Variants in OPCML observed in about 807,000 individuals in gnomAD.
OPCML encodes the protein opioid-binding protein/cell adhesion molecule.
A neutral mutation model predicts 37.8 loss-of-function variants in OPCML; 13 were observed. The observed-to-expected ratio is 0.34, with a 90% CI of 0.22 to 0.55. The LOEUF (loss-of-function observed/expected upper bound fraction) is 0.55, where lower values mean the gene tolerates loss of function less well. OPCML is among the 20% of genes least tolerant of loss of function. The probability of loss-of-function intolerance (pLI) is 0.91; values close to 1 mark genes in which losing one functional copy is unlikely to be tolerated. For synonymous variants in OPCML, 176 were observed against 168.8 expected, an observed-to-expected ratio of 1.04 and a Z score of -0.33; for missense variants, 341 against 435.6, an observed-to-expected ratio of 0.78 and a Z score of 1.93.
intron 4 of OPCML, among the ~76,000 whole-genome samples, chr11:132,462,493 A>T (rs2096105878): frequency 6.6e-6 from 1 of 152,204 alleles, no homozygotes; most frequent in African/African-American, 2.4e-5. Context: ...AACTCTGTTC[A>T]TTGGTCATTC....
At chr11:132,509,437 G>T (rs1485001654) in intron 4 of OPCML, among the ~76,000 whole-genome samples, 1 of 152,142 alleles carries the variant, frequency 6.6e-6, no homozygotes, top group African/African-American at 2.4e-5. Context: ...AGACCATGGG[G>T]GAAATGTCTC....
intron 4 of OPCML, among the ~76,000 whole-genome samples, chr11:132,466,237 G>A (rs2096119081): frequency 6.6e-6 from 1 of 151,508 alleles, no homozygotes; most frequent in South Asian, 2.1e-4. Flanking sequence ...TGTCATCCCA[G>A]CACTTTGGGA....
At chr11:132,578,240 G>C (rs931773058) in intron 3 of OPCML, among the ~76,000 whole-genome samples, 1 of 152,106 alleles carries the variant, frequency 6.6e-6, no homozygotes, top group African/African-American at 2.4e-5. Context: ...GGTGCAATTA[G>C]AGAATCCTAT....
At chr11:133,394,942 A>C (rs924098575) in intron 1 of OPCML, among the ~76,000 whole-genome samples, 3 of 152,190 alleles carry the variant, frequency 2.0e-5, no homozygotes, top group Admixed American at 6.5e-5. Context: ...TTTCTGAGGA[A>C]CTTCCAAACT....
chr11:133,510,893 A>ACACACACATG (rs1186365177), intron 1 of OPCML, among the ~76,000 whole-genome samples: 178 of 146,460 alleles, frequency 1.2e-3, no homozygotes, highest in African/African-American at 4.7e-3. Context: ...ACATACACAC[A>ACACACACATG]CACACACACG....
intron 1 of OPCML, among the ~76,000 whole-genome samples, chr11:133,122,357 G>A (rs1949435298): frequency 6.6e-6 from 1 of 152,116 alleles, no homozygotes; most frequent in African/African-American, 2.4e-5. Flanking sequence ...GAGTGGTAGG[G>A]TAAAGTCTTC....
chr11:132,888,505 C>T (rs547752937), intron 2 of OPCML, among the ~76,000 whole-genome samples: 3 of 151,820 alleles, frequency 2.0e-5, no homozygotes, highest in South Asian at 4.2e-4. Context: ...TCTCCCCCCA[C>T]GCATCTGCTG....
chr11:133,423,456 A>G, intron 1 of OPCML: 1 of 985,432 alleles, frequency 1.0e-6, no homozygotes, highest in Non-Finnish European at 1.2e-6. Flanking sequence ...AATCACTGAA[A>G]TTCTCTGCAC....
intron 1 of OPCML, among the ~76,000 whole-genome samples, chr11:133,250,418 G>A (rs1016529495): frequency 6.7e-6 from 1 of 148,410 alleles, no homozygotes; most frequent in Non-Finnish European, 1.5e-5. Flanking sequence ...AAGGAAGGAA[G>A]GAAGGAAAGA....
At chr11:133,074,375 T>C (rs1421086433) in intron 1 of OPCML, among the ~76,000 whole-genome samples, 1 of 152,208 alleles carries the variant, frequency 6.6e-6, no homozygotes, top group Non-Finnish European at 1.5e-5. Context: ...AAAGCAGTGG[T>C]CCCTCTCCTT....
At chr11:132,618,228 GT>G (rs978131470) in intron 3 of OPCML, among the ~76,000 whole-genome samples, 3 of 152,170 alleles carry the variant, frequency 2.0e-5, no homozygotes, top group African/African-American at 7.2e-5. Flanking sequence ...TGGTTTTTTA[GT>G]TTGGAGGGAG....
chr11:132,525,181 T>C (rs1414643488), intron 4 of OPCML, among the ~76,000 whole-genome samples: 1 of 152,224 alleles, frequency 6.6e-6, no homozygotes, highest in Admixed American at 6.5e-5. Flanking sequence ...TAGTTTCTGA[T>C]CCATCAAAGC....
chr11:133,527,273 G>A (rs10791292), intron 1 of OPCML, among the ~76,000 whole-genome samples: 32,262 of 152,184 alleles, frequency 0.21, 4,775 homozygotes, highest in East Asian at 0.66. Context: ...GACCAAAGGT[G>A]CCATGTCTGT....
At chr11:132,793,068 C>T (rs1272083519) in intron 2 of OPCML, among the ~76,000 whole-genome samples, 2 of 152,100 alleles carry the variant, frequency 1.3e-5, no homozygotes, top group African/African-American at 2.4e-5. Context: ...GACTGGGGTC[C>T]GGGGCGCCTC....
intron 1 of OPCML, among the ~76,000 whole-genome samples, chr11:133,363,499 T>G (rs1427836202): frequency 6.6e-6 from 1 of 152,242 alleles, no homozygotes; most frequent in Non-Finnish European, 1.5e-5. Flanking sequence ...TCTCTGCTTC[T>G]TTAATACTAC....
chr11:132,545,812 T>G (rs2096367376), intron 3 of OPCML, among the ~76,000 whole-genome samples: 1 of 152,252 alleles, frequency 6.6e-6, no homozygotes, highest in African/African-American at 2.4e-5. Context: ...TCATAGTTTA[T>G]CTAACTAGTG....
intron 4 of OPCML, among the ~76,000 whole-genome samples, chr11:132,463,911 G>A (rs1328586647): frequency 6.6e-6 from 1 of 152,210 alleles, no homozygotes; most frequent in Non-Finnish European, 1.5e-5. Context: ...CTCAGACACA[G>A]TACAGCCATG....
intron 1 of OPCML, among the ~76,000 whole-genome samples, chr11:133,105,457 G>C (rs1422500252): frequency 6.6e-6 from 1 of 152,204 alleles, no homozygotes; most frequent in Non-Finnish European, 1.5e-5. Flanking sequence ...CCATTGTTTA[G>C]TGCCAGTGGG....
chr11:133,486,842 C>G (rs1466685354), intron 1 of OPCML, among the ~76,000 whole-genome samples: 1 of 136,724 alleles, frequency 7.3e-6, no homozygotes, highest in South Asian at 2.2e-4. Flanking sequence ...CTCTCTCCCC[C>G]CCTTCTCTCT....
Sources: gnomAD v4.1 joint callset for allele counts (sites outside exome capture counted in the v4.1 genomes callset) on GRCh38, gnomAD v4.1.1 for gene constraint, MANE v1.5 for transcripts, NCBI Gene and HGNC (gene_info 2026-07-23, HGNC 2026-07-21) for gene names.